Variants in RNF216 observed in about 807,000 individuals in gnomAD.
RNF216 encodes E3 ubiquitin-protein ligase RNF216.
RNF216 carries 72 observed loss-of-function variants against 110.8 expected under a neutral mutation model. The ratio of observed to expected loss-of-function variants is 0.65; its 90% CI spans 0.54 to 0.79. The LOEUF is 0.79. RNF216 is among the 30% of genes least tolerant of loss of function. The pLI is 0.00. For missense variants in RNF216, 1,342 were observed against 1,141.2 expected (o/e 1.18, Z -2.54); for synonymous variants, 495 against 407.5 (o/e 1.21, Z -2.59).
Position 5,739,372 on chromosome 7 carries a change from T to C in RNF216, c.1045-20A>G. On this transcript the variant is annotated intron_variant, in intron 4 of 16. Coordinates refer to ENST00000389902, the MANE Select transcript of RNF216 (RefSeq NM_207111.4). ...TGCTTCCTAGAAACAAATAAGAACA[T>C]AATTTATATTTCATTCACTAGAATG... The C allele has an allele frequency of 6.3e-7, 1 of 1,583,168 alleles. No homozygotes were observed.
At chr7:5,769,449 G>A (rs987686338) in intron 1 of RNF216, among the ~76,000 whole-genome samples, 6 of 151,912 alleles carry the variant, frequency 3.9e-5, no homozygotes, top group East Asian at 2.0e-4. Flanking sequence ...GAGGCTGGGC[G>A]TGGTGGCTCA....
intron 13 of RNF216, among the ~76,000 whole-genome samples, chr7:5,683,798 A>G (rs920514121): frequency 1.3e-5 from 2 of 152,216 alleles, no homozygotes; most frequent in African/African-American, 4.8e-5. Context: ...GTGTCTATGG[A>G]TAAAACCTGT....
At chr7:5,727,123 G>T (rs962276501) in intron 7 of RNF216, among the ~76,000 whole-genome samples, 1 of 152,108 alleles carries the variant, frequency 6.6e-6, no homozygotes, top group Non-Finnish European at 1.5e-5. Context: ...AATGAGAAGC[G>T]GGGTGGCTAT....
At chr7:5,677,929 GTTATT>G (rs1790409286) in intron 13 of RNF216, among the ~76,000 whole-genome samples, 1 of 152,172 alleles carries the variant, frequency 6.6e-6, no homozygotes, top group African/African-American at 2.4e-5. Flanking sequence ...CCCCAGCCCT[GTTATT>G]ACACACCCAC....
chr7:5,679,992 T>A (rs1416432743), intron 13 of RNF216, among the ~76,000 whole-genome samples: 1 of 152,184 alleles, frequency 6.6e-6, no homozygotes, highest in Non-Finnish European at 1.5e-5. Context: ...CTGGGATCAT[T>A]ACATCCTCAG....
chr7:5,733,387 A>C (rs1794203158), intron 5 of RNF216, among the ~76,000 whole-genome samples: 1 of 152,218 alleles, frequency 6.6e-6, no homozygotes. Flanking sequence ...AGGAGAACAG[A>C]ACTGTAAGAG....
At chr7:5,632,271 C>T (rs1267496642) in intron 15 of RNF216, among the ~76,000 whole-genome samples, 1 of 152,224 alleles carries the variant, frequency 6.6e-6, no homozygotes, top group Non-Finnish European at 1.5e-5. Context: ...TGCATCCCCT[C>T]GAGGGCTGCA....
At chr7:5,648,408 G>T (rs1303760654) in intron 14 of RNF216, among the ~76,000 whole-genome samples, 1 of 151,180 alleles carries the variant, frequency 6.6e-6, no homozygotes, top group African/African-American at 2.4e-5. Context: ...TGCCTGATTA[G>T]ATCTAAATTT....
At chr7:5,649,228 C>T (rs901344554) in intron 14 of RNF216, among the ~76,000 whole-genome samples, 1 of 151,994 alleles carries the variant, frequency 6.6e-6, no homozygotes, top group South Asian at 2.1e-4. Context: ...CCCATCTCTA[C>T]TAAAAATCCA....
intron 1 of RNF216, among the ~76,000 whole-genome samples, chr7:5,761,843 T>C (rs1374745755): frequency 6.6e-6 from 1 of 151,800 alleles, no homozygotes; most frequent in Admixed American, 6.6e-5. Context: ...AAGGCAAGTA[T>C]GTAAGACATG....
At chr7:5,636,148 C>T (rs758851204) in intron 15 of RNF216, among the ~76,000 whole-genome samples, 23 of 152,114 alleles carry the variant, frequency 1.5e-4, no homozygotes, top group Non-Finnish European at 2.1e-4. Flanking sequence ...ATGCAAGGAC[C>T]AGTCAGTATA....
At chr7:5,745,858 T>C (rs978966910) in intron 3 of RNF216, among the ~76,000 whole-genome samples, 4 of 142,178 alleles carry the variant, frequency 2.8e-5, no homozygotes, top group Non-Finnish European at 6.0e-5. Flanking sequence ...ATCAGGCCAC[T>C]GCACTCCAGC....
At chr7:5,743,437 A>C (rs1347577458) in intron 3 of RNF216, among the ~76,000 whole-genome samples, 2 of 152,206 alleles carry the variant, frequency 1.3e-5, no homozygotes, top group African/African-American at 4.8e-5. Context: ...ATGGTTAAAT[A>C]AACTATTACT....
At chr7:5,735,548 G>T (rs1794346100) in intron 5 of RNF216, among the ~76,000 whole-genome samples, 1 of 152,136 alleles carries the variant, frequency 6.6e-6, no homozygotes, top group Admixed American at 6.5e-5. Flanking sequence ...CGGTAGATGA[G>T]TTAAAAGGAG....
Position 5,622,875 on chromosome 7 carries a change from C to T in RNF216, c.2757G>A (p.Pro919=), listed in dbSNP as rs146694552. Residue 919 remains proline (P), a synonymous_variant, in exon 17 of 17, where the codon CCG becomes CCA. Coordinates refer to ENST00000389902, the MANE Select transcript of RNF216 (RefSeq NM_207111.4). ...HNLPMHFGPQ[P]RHRF is the part of the protein sequence containing the mutation. ...TTCGGGGCCATCAGAAGCGATGCCGCGGCTGGGGGCCAAAGTGCATGGGCA... is the reference window on the plus strand; with the variant it reads ...TTCGGGGCCATCAGAAGCGATGCCGTGGCTGGGGGCCAAAGTGCATGGGCA... 5.9e-4 allele frequency: 941 copies of T among 1,602,110 alleles called. No homozygotes were observed. Among genetic ancestry groups the T allele is most frequent in the Admixed American group, 9.5e-4 (57 of 59,706 alleles).
chr7:5,731,665 G>C (rs1363087077), intron 5 of RNF216, among the ~76,000 whole-genome samples: 1 of 151,352 alleles, frequency 6.6e-6, no homozygotes, highest in African/African-American at 2.5e-5. Context: ...TGCTCGGAGG[G>C]TAATGGGGAC....
intron 9 of RNF216, among the ~76,000 whole-genome samples, chr7:5,718,493 A>G (rs1264094115): frequency 6.6e-6 from 1 of 152,168 alleles, no homozygotes; most frequent in Non-Finnish European, 1.5e-5. Flanking sequence ...AACCTTAGAC[A>G]AAAAAACAAA....
intron 13 of RNF216, among the ~76,000 whole-genome samples, chr7:5,709,548 T>C (rs1340449278): frequency 6.6e-6 from 1 of 152,218 alleles, no homozygotes; most frequent in Admixed American, 6.5e-5. Context: ...GTGATCTAAC[T>C]ACTCACATGT....
At chr7:5,679,305 AG>A (rs1447830879) in intron 13 of RNF216, among the ~76,000 whole-genome samples, 1 of 152,220 alleles carries the variant, frequency 6.6e-6, no homozygotes, top group Non-Finnish European at 1.5e-5. Context: ...CACTGGACTA[AG>A]GGCCTGTTTG....
Sources: gnomAD v4.1 joint callset for allele counts (sites outside exome capture counted in the v4.1 genomes callset) on GRCh38, gnomAD v4.1.1 for gene constraint, MANE v1.5 for transcripts, NCBI Gene and HGNC (gene_info 2026-07-23, HGNC 2026-07-21) for gene names.